RAB11FIP3: variants seen among roughly 807,000 people sequenced by gnomAD.
RAB11FIP3 encodes the protein RAB11 family interacting protein 3.
In RAB11FIP3, 17 loss-of-function variants were observed where a neutral mutation model predicts 77.8. The observed-to-expected ratio is 0.22, with a 90% CI of 0.15 to 0.33. The LOEUF (loss-of-function observed/expected upper bound fraction) is 0.33, where lower values mean the gene tolerates loss of function less well. Among genes scored for constraint, RAB11FIP3 ranks in the 10% least tolerant of loss-of-function variants. The pLI is 1.00. For missense variants in RAB11FIP3, 1,005 were observed against 1,011.2 expected, an observed-to-expected ratio of 0.99 and a Z score of 0.08; for synonymous variants, 437 against 448.2, an observed-to-expected ratio of 0.98 and a Z score of 0.31.
rs1340079161 is a variant in RAB11FIP3 at position 426,368 on chromosome 16, CGTT to C, written c.366_368del (p.Leu122del). The C allele has an allele frequency of 2.6e-6, 4 of 1,544,990 alleles. No homozygotes were observed. Among genetic ancestry groups the C allele is most frequent in the Non-Finnish European group, 3.5e-6 (4 of 1,147,992 alleles). ...GAAGCGCCGCTTCCAGAACTCGACC[CGTT>C]GTTCTCCTGGACTGAGGAGCCCGAG... On this transcript the variant is annotated inframe_deletion, in exon 1 of 14. Coordinates refer to ENST00000262305, the MANE Select transcript of RAB11FIP3 (RefSeq NM_014700.4). This position sits in a 1 kb window ranked among gnomAD's most constrained non-coding sequence, Gnocchi z 5.0.
chr16:502,244 C>T (rs1037918992), intron 6 of RAB11FIP3, among the ~76,000 whole-genome samples: 8 of 152,276 alleles, frequency 5.3e-5, no homozygotes, highest in African/African-American at 1.9e-4. Flanking sequence ...CAAGCACGCG[C>T]TTACTGCGCG....
At chr16:510,106 G>A (rs550818929) in intron 8 of RAB11FIP3, among the ~76,000 whole-genome samples, 14 of 145,310 alleles carry the variant, frequency 9.6e-5, no homozygotes, top group African/African-American at 3.2e-4. Context: ...CCCGTCCCGA[G>A]TCCCCGTGCC....
rs958874010 is a variant in RAB11FIP3, at chr16:514,185, G to C, written c.1640+3385G>C. Among the ~76,000 whole-genome samples the C allele has an allele frequency of 6.6e-6, 1 of 152,238 alleles. No homozygotes were observed. Among genetic ancestry groups the C allele is most frequent in the Non-Finnish European group, 1.5e-5 (1 of 68,038 alleles). Reference sequence around the variant, plus strand: ...TGGGCCTCCTGCAGCTTCCTGGAGTGGCCACCAGGAACCTTGTGGTTCTCA... The same window carrying C: ...TGGGCCTCCTGCAGCTTCCTGGAGTCGCCACCAGGAACCTTGTGGTTCTCA... On this transcript the variant is annotated intron_variant, in intron 9 of 13. Transcript: ENST00000262305. The surrounding 1 kb of genome is among the most constrained non-coding windows in gnomAD (Gnocchi z 4.6).
intron 7 of RAB11FIP3, among the ~76,000 whole-genome samples, 184 bp downstream of exon 7, chr16:503,281 C>T (rs1017347322): frequency 9.2e-5 from 14 of 152,218 alleles, no homozygotes; most frequent in Non-Finnish European, 1.5e-4. Context: ...CAAGGGGTCT[C>T]GTGGCCATGT....
At chr16:433,978 C>T (rs533801182) in intron 1 of RAB11FIP3, among the ~76,000 whole-genome samples, 6 of 151,922 alleles carry the variant, frequency 3.9e-5, no homozygotes, top group Admixed American at 6.6e-5. Flanking sequence ...CTGCAGTAAA[C>T]ATGGGGTGCA....
Position 472,471 on chromosome 16 carries a change from C to T in RAB11FIP3, c.903+1082C>T, listed in dbSNP as rs1046931456. Reference sequence around the variant, plus strand: ...GCGTGTGGTGGGAGTTGGACCCTCTCGCATGGCTGCAGTGTGCAGAACGTG... The same window carrying T: ...GCGTGTGGTGGGAGTTGGACCCTCTTGCATGGCTGCAGTGTGCAGAACGTG... On this transcript the variant is annotated intron_variant, in intron 3 of 13. Coordinates refer to ENST00000262305, the MANE Select transcript of RAB11FIP3 (RefSeq NM_014700.4). The surrounding 1 kb of genome is among the most constrained non-coding windows in gnomAD (Gnocchi z 4.1). 1.3e-5 allele frequency among the ~76,000 whole-genome samples: 2 copies of T among 152,186 alleles called. No homozygotes were observed. Among genetic ancestry groups the T allele is most frequent in the African/African-American group, 2.4e-5 (1 of 41,444 alleles).
intron 8 of RAB11FIP3, among the ~76,000 whole-genome samples, chr16:509,014 G>A (rs904527706): frequency 3.3e-5 from 5 of 150,566 alleles, no homozygotes; most frequent in Admixed American, 2.6e-4. Flanking sequence ...AATGATTCTC[G>A]TGCTTCAGCC....
chr16:440,028 C>T (rs1228889530), intron 1 of RAB11FIP3, among the ~76,000 whole-genome samples: 1 of 151,800 alleles, frequency 6.6e-6, no homozygotes, highest in Admixed American at 6.6e-5. Context: ...TTTTAGTAGA[C>T]ACGGGGTTTC....
chr16:491,382 G>A, intron 5 of RAB11FIP3: 1 of 1,153,958 alleles, frequency 8.7e-7, no homozygotes, highest in Non-Finnish European at 1.1e-6. Context: ...TCAGGCAGCG[G>A]GACTCTCCCT....
At chr16:436,649 CTT>C (rs2055133160) in intron 1 of RAB11FIP3, among the ~76,000 whole-genome samples, 2 of 152,036 alleles carry the variant, frequency 1.3e-5, no homozygotes, top group South Asian at 4.1e-4. Context: ...ACCCAGCTAA[CTT>C]TTGTGTTTTT....
chr16:457,138 C>T (rs925610281), intron 1 of RAB11FIP3, among the ~76,000 whole-genome samples: 3 of 152,106 alleles, frequency 2.0e-5, no homozygotes, highest in East Asian at 1.9e-4. Context: ...GGCGGTTTCT[C>T]GTTCTGAAAG....
At chr16:479,473 C>A (rs888260145) in intron 3 of RAB11FIP3, among the ~76,000 whole-genome samples, 2 of 152,108 alleles carry the variant, frequency 1.3e-5, no homozygotes, top group African/African-American at 4.8e-5. Flanking sequence ...TGGAGGATCA[C>A]TTGAGGTGCG....
At chr16:501,167 A>G (rs2031491166) in intron 6 of RAB11FIP3, among the ~76,000 whole-genome samples, 3 of 152,238 alleles carry the variant, frequency 2.0e-5, no homozygotes, top group Admixed American at 6.5e-5. Context: ...AACTTCATAC[A>G]CTTGGTAGAC....
chr16:460,644 A>T (rs991298800), intron 1 of RAB11FIP3, among the ~76,000 whole-genome samples: 5 of 152,066 alleles, frequency 3.3e-5, no homozygotes, highest in African/African-American at 9.7e-5. Context: ...GCTACCAAGG[A>T]CTCTGCAGAG....
intron 8 of RAB11FIP3, among the ~76,000 whole-genome samples, chr16:508,672 C>T (rs887081412): frequency 4.7e-4 from 72 of 152,124 alleles, no homozygotes; most frequent in African/African-American, 1.7e-3. Flanking sequence ...CCGCGCCTGG[C>T]CTAGGTTTTC....
Position 520,176 on chromosome 16 carries a change from G to T in RAB11FIP3, c.1915G>T (p.Ala639Ser). Residue 639 changes from alanine to serine, a missense_variant, in exon 12 of 14, where the codon GCC becomes TCC. Transcript: ENST00000262305. ...GCACCTGCAGCTCCTCAAGCTGGAG[G>T]CCGAGCAGCGGCGGGGCCGCAGCAG... ...LEHLQLLKLE[A>S]EQRRGRSSSM... The T allele has an allele frequency of 6.5e-7, 1 of 1,546,838 alleles. No individual in the cohort carries two copies.
rs560911219 is a variant in RAB11FIP3, at chr16:507,145, C to G, written c.1499+1518C>G. 2.0e-5 allele frequency among the ~76,000 whole-genome samples: 3 copies of G among 148,758 alleles called. No individual in the cohort carries two copies. Among genetic ancestry groups the G allele is most frequent in the Admixed American group, 1.3e-4 (2 of 14,932 alleles). On this transcript the variant is annotated intron_variant, in intron 8 of 13. Transcript: ENST00000262305. This position sits in a 1 kb window ranked among gnomAD's most constrained non-coding sequence, Gnocchi z 4.6. The stretch of plus-strand genomic sequence containing the variant: ...TTTTTTTTTTTGAGACGGGGTCTCT[C>G]TCTGTCTCCAGGCTGGAGTGCAGTG...
chr16:462,161 G>T (rs2055618264), intron 2 of RAB11FIP3, among the ~76,000 whole-genome samples: 1 of 152,224 alleles, frequency 6.6e-6, no homozygotes, highest in African/African-American at 2.4e-5. Context: ...CCCTCAGGCA[G>T]TGCCTTCCCT....
chr16:499,463 A>C (rs185366688), intron 6 of RAB11FIP3, among the ~76,000 whole-genome samples: 42 of 152,120 alleles, frequency 2.8e-4, no homozygotes, highest in Admixed American at 1.2e-3. Context: ...ACACCCTTTA[A>C]AATTTAATGT....
Sources: allele counts gnomAD v4.1 joint callset (sites outside exome capture counted in the v4.1 genomes callset), GRCh38; gene constraint gnomAD v4.1.1; non-coding constraint Gnocchi (gnomAD v3.1); transcripts MANE v1.5; gene names NCBI Gene and HGNC (gene_info 2026-07-23, HGNC 2026-07-21).